The following TRHDE variants were observed in gnomAD, a reference collection of about 807,000 sequenced individuals.
TRHDE encodes thyrotropin releasing hormone degrading enzyme.
TRHDE carries 72 observed loss-of-function variants against 125.7 expected under a neutral mutation model. The ratio of observed to expected loss-of-function variants is 0.57; its 90% CI spans 0.47 to 0.70. The LOEUF (loss-of-function observed/expected upper bound fraction) is 0.70, where lower values mean the gene tolerates loss of function less well. Ranked by LOEUF, TRHDE falls within the 30% of genes least tolerant of loss-of-function variation. TRHDE has a pLI of 0.00. For synonymous variants in TRHDE, 509 were observed against 509.1 expected (o/e 1.00, Z 0.00); for missense variants, 1,110 against 1,327.1 (o/e 0.84, Z 2.54).
At chr12:72,643,289 C>T (rs188192748) in intron 15 of TRHDE, among the ~76,000 whole-genome samples, 8 of 152,232 alleles carry the variant, frequency 5.3e-5, no homozygotes, top group African/African-American at 1.9e-4. Context: ...TTTCAATGGA[C>T]CATCAACATG....
chr12:72,336,927 C>G (rs1421703061), intron 2 of TRHDE, among the ~76,000 whole-genome samples: 1 of 152,178 alleles, frequency 6.6e-6, no homozygotes, highest in Non-Finnish European at 1.5e-5. Context: ...TAGCACTACT[C>G]AAAGTGGTCT....
At chr12:72,343,619 A>T (rs554831532) in intron 2 of TRHDE, among the ~76,000 whole-genome samples, 8 of 152,200 alleles carry the variant, frequency 5.3e-5, no homozygotes, top group South Asian at 2.1e-4. Context: ...TATTATGCCA[A>T]TTGTTTATGT....
chr12:72,454,280 A>G (rs2048185101), intron 3 of TRHDE, among the ~76,000 whole-genome samples: 1 of 152,238 alleles, frequency 6.6e-6, no homozygotes, highest in African/African-American at 2.4e-5. Context: ...GGATCTAAAC[A>G]TTTATAAATG....
chr12:72,183,698 G>T (rs1877143743), intron 2 of TRHDE, among the ~76,000 whole-genome samples: 1 of 152,116 alleles, frequency 6.6e-6, no homozygotes, highest in South Asian at 2.1e-4. Flanking sequence ...TTGGAGTCTA[G>T]TCTAAGTTTT....
At chr12:72,336,098 A>G (rs1252371502) in intron 2 of TRHDE, among the ~76,000 whole-genome samples, 1 of 152,200 alleles carries the variant, frequency 6.6e-6, no homozygotes, top group African/African-American at 2.4e-5. Context: ...TTAGGTGCCA[A>G]TATAAGGAGA....
At chr12:72,427,341 A>G (rs1449942261) in intron 3 of TRHDE, among the ~76,000 whole-genome samples, 1 of 151,998 alleles carries the variant, frequency 6.6e-6, no homozygotes. Flanking sequence ...CAGCTCTTTA[A>G]CATCTCTTTT....
At chr12:72,385,425 A>G (rs1872369546) in intron 3 of TRHDE, among the ~76,000 whole-genome samples, 1 of 152,116 alleles carries the variant, frequency 6.6e-6, no homozygotes, top group African/African-American at 2.4e-5. Flanking sequence ...CTTTTCCGCC[A>G]TCTTTAAAAT....
chr12:72,166,956 C>T (rs1450642387), intron 2 of TRHDE, among the ~76,000 whole-genome samples: 1 of 143,292 alleles, frequency 7.0e-6, no homozygotes, highest in Non-Finnish European at 1.6e-5. Context: ...GTGTGTGTCT[C>T]AATCATGGGC....
intron 12 of TRHDE, among the ~76,000 whole-genome samples, chr12:72,608,491 G>A (rs925573282): frequency 2.6e-5 from 4 of 152,134 alleles, no homozygotes; most frequent in African/African-American, 9.7e-5. Flanking sequence ...AACTGAAACA[G>A]CCTCTGTAGG....
intron 7 of TRHDE, among the ~76,000 whole-genome samples, chr12:72,560,335 G>T (rs1442962563): frequency 6.6e-6 from 1 of 152,144 alleles, no homozygotes; most frequent in Non-Finnish European, 1.5e-5. Context: ...AGTTCAAACT[G>T]ATGATACTAG....
intron 6 of TRHDE, among the ~76,000 whole-genome samples, chr12:72,525,655 GA>G (rs1343721611): frequency 6.8e-6 from 1 of 148,050 alleles, no homozygotes; most frequent in Non-Finnish European, 1.5e-5. Flanking sequence ...GAGAGAGAGA[GA>G]AAGTTGGTGA....
intron 2 of TRHDE, among the ~76,000 whole-genome samples, chr12:72,112,098 A>G (rs1875328929): frequency 6.6e-6 from 1 of 152,106 alleles, no homozygotes; most frequent in South Asian, 2.1e-4. Context: ...CTCATTATCT[A>G]CCTACCCTTG....
chr12:72,414,601 A>T (rs2135818852), intron 3 of TRHDE, among the ~76,000 whole-genome samples: 1 of 152,254 alleles, frequency 6.6e-6, no homozygotes, highest in East Asian at 1.9e-4. Context: ...TGTAAGCAAT[A>T]GAGACCAGCA....
At chr12:72,466,675 C>T (rs1203344943) in intron 3 of TRHDE, among the ~76,000 whole-genome samples, 1 of 152,124 alleles carries the variant, frequency 6.6e-6, no homozygotes. Flanking sequence ...GCATATTTCT[C>T]TCATTTTCAC....
At chr12:72,541,893 G>A (rs1430244205) in intron 6 of TRHDE, among the ~76,000 whole-genome samples, 2 of 151,282 alleles carry the variant, frequency 1.3e-5, no homozygotes, top group Non-Finnish European at 3.0e-5. Context: ...TTACTTCAAA[G>A]TTATATTTTA....
chr12:72,489,869 G>T (rs1405264266), intron 5 of TRHDE, among the ~76,000 whole-genome samples: 1 of 151,808 alleles, frequency 6.6e-6, no homozygotes, highest in Non-Finnish European at 1.5e-5. Flanking sequence ...CTAAATGTAA[G>T]AACTGGAACT....
chr12:72,455,939 A>G (rs895702310), intron 3 of TRHDE, among the ~76,000 whole-genome samples: 2 of 152,018 alleles, frequency 1.3e-5, no homozygotes, highest in African/African-American at 2.4e-5. Context: ...CATAGAATTC[A>G]ACGAGTTTGC....
chr12:72,378,789 C>G (rs980592968), intron 3 of TRHDE, among the ~76,000 whole-genome samples: 1 of 152,074 alleles, frequency 6.6e-6, no homozygotes, highest in African/African-American at 2.4e-5. Context: ...CTTCCTTTTA[C>G]AAAGAGAATG....
intron 1 of TRHDE, among the ~76,000 whole-genome samples, chr12:72,099,788 G>T (rs1006000280): frequency 6.6e-6 from 1 of 152,136 alleles, no homozygotes; most frequent in Non-Finnish European, 1.5e-5. Context: ...CTAGAGTTCA[G>T]GCTCAAGATG....
Sources: gnomAD v4.1 joint callset for allele counts (sites outside exome capture counted in the v4.1 genomes callset) on GRCh38, gnomAD v4.1.1 for gene constraint, MANE v1.5 for transcripts, NCBI Gene and HGNC (gene_info 2026-07-23, HGNC 2026-07-21) for gene names.